Variants in PARVA observed in about 807,000 individuals in gnomAD.
PARVA encodes alpha-parvin.
PARVA carries 25 observed loss-of-function variants against 52.6 expected under a neutral mutation model. That is an observed-to-expected ratio of 0.48 (90% CI 0.35 to 0.66). The LOEUF is 0.66. Among genes scored for constraint, PARVA ranks in the 30% least tolerant of loss-of-function variants. The pLI, the probability that PARVA is intolerant of heterozygous loss-of-function variation, is 0.01. For synonymous variants in PARVA, 185 were observed against 179.1 expected (o/e 1.03, Z -0.26); for missense variants, 373 against 450.9 (o/e 0.83, Z 1.56).
intron 1 of PARVA, among the ~76,000 whole-genome samples, chr11:12,386,878 T>C (rs1939579060): frequency 6.6e-6 from 1 of 152,226 alleles, no homozygotes; most frequent in South Asian, 2.1e-4. Context: ...AAGACCTCTT[T>C]CTTTCCTCTA....
At chr11:12,521,456 C>T (rs866851036) in intron 12 of PARVA, among the ~76,000 whole-genome samples, 21 of 152,040 alleles carry the variant, frequency 1.4e-4, no homozygotes, top group African/African-American at 3.9e-4. Context: ...CCTATTTAGC[C>T]GAAAGTAGAA....
chr11:12,377,562 C>T, upstream of PARVA: 3 of 1,488,026 alleles, frequency 2.0e-6, no homozygotes, highest in African/African-American at 2.9e-5. Context: ...TTTGGAAAGC[C>T]GCAGCCTCAG....
At chr11:12,488,312 A>G (rs1388925113) in intron 4 of PARVA, among the ~76,000 whole-genome samples, 6 of 152,200 alleles carry the variant, frequency 3.9e-5, no homozygotes, top group African/African-American at 1.2e-4. Context: ...TCTTATTGGT[A>G]CCTCATGCTT....
intron 5 of PARVA, among the ~76,000 whole-genome samples, chr11:12,498,881 T>A (rs1250937393): frequency 9.9e-5 from 15 of 152,230 alleles, no homozygotes. Context: ...CCAAGTCATA[T>A]ACATTTTTGT....
chr11:12,499,659 G>C (rs1941342294), intron 5 of PARVA, among the ~76,000 whole-genome samples: 1 of 152,070 alleles, frequency 6.6e-6, no homozygotes, highest in African/African-American at 2.4e-5. Flanking sequence ...AGGGCATAGA[G>C]AGGTTAAGAA....
intron 1 of PARVA, among the ~76,000 whole-genome samples, chr11:12,417,950 G>C (rs1261626134): frequency 6.6e-6 from 1 of 152,222 alleles, no homozygotes; most frequent in Non-Finnish European, 1.5e-5. Context: ...AGAGACCCCA[G>C]CAGTGCCAGA....
At chr11:12,401,579 G>T (rs993314697) in intron 1 of PARVA, among the ~76,000 whole-genome samples, 1 of 152,154 alleles carries the variant, frequency 6.6e-6, no homozygotes, top group Non-Finnish European at 1.5e-5. Context: ...TGAATCTTAC[G>T]AAGTTGAAGA....
upstream of PARVA, among the ~76,000 whole-genome samples, chr11:12,376,563 C>T (rs1939391583): frequency 6.6e-6 from 1 of 152,228 alleles, no homozygotes; most frequent in Admixed American, 6.5e-5. Flanking sequence ...GCCAGCTGAT[C>T]GTCTGCTCTT....
Position 12,387,545 on chromosome 11 carries a change from A to G in PARVA, c.136+9762A>G, listed in dbSNP as rs1227629815. Reference sequence around the variant, plus strand: ...GTCCCCAGATTCTATCCAGGTCTCTATTTTTGAGCGTGTGTGTGTGTGTGT... The same window carrying G: ...GTCCCCAGATTCTATCCAGGTCTCTGTTTTTGAGCGTGTGTGTGTGTGTGT... On this transcript the variant is annotated intron_variant, in intron 1 of 12. Transcript: ENST00000334956. Among the ~76,000 whole-genome samples the G allele has an allele frequency of 5.0e-5, 5 of 101,006 alleles. 1 individual carries two copies. Among genetic ancestry groups the G allele is most frequent in the South Asian group, 8.3e-4 (2 of 2,408 alleles). The allele number at this position is 101,006 out of a possible 152,430, so 66.3% of individuals were successfully genotyped here.
At chr11:12,473,324 CAT>C (rs1459444680) in intron 1 of PARVA, among the ~76,000 whole-genome samples, 2 of 152,158 alleles carry the variant, frequency 1.3e-5, no homozygotes, top group Non-Finnish European at 2.9e-5. Context: ...TTACAGCGTA[CAT>C]ATAGCCTCAA....
chr11:12,426,093 G>A (rs77225331), intron 1 of PARVA, among the ~76,000 whole-genome samples: 1,781 of 152,276 alleles, frequency 0.012, 38 homozygotes, highest in African/African-American at 0.04. Flanking sequence ...CACAGTACCG[G>A]GGGAGACGTA....
rs780389769 is a variant in PARVA, at chr11:12,528,588, C to T, written c.*663C>T. 3 of 152,704 alleles carry T rather than the reference C, an allele frequency of 2.0e-5. No homozygotes were observed. Among genetic ancestry groups the T allele is most frequent in the Non-Finnish European group, 4.4e-5 (3 of 68,262 alleles). 9.5% of individuals were successfully genotyped at this position (152,704 alleles called of 1,614,324 possible). A position where few individuals can be genotyped will look rare whatever the true frequency, so the allele number is the denominator to read the frequency against. ...CAAGCCAATTACATTATGTTCTTTG[C>T]ATGTTCTAAAGTTGTGTATGTGTGT... On this transcript the variant is annotated 3_prime_UTR_variant, in exon 13 of 13. Coordinates refer to ENST00000334956, the MANE Select transcript of PARVA (RefSeq NM_018222.5).
intron 1 of PARVA, among the ~76,000 whole-genome samples, chr11:12,440,319 G>C (rs975498875): frequency 3.0e-4 from 45 of 152,254 alleles, no homozygotes; most frequent in South Asian, 8.3e-4. Context: ...GTAGGAAGCC[G>C]GTCAAGATCA....
chr11:12,420,617 G>A (rs1940134827), intron 1 of PARVA, among the ~76,000 whole-genome samples: 1 of 152,188 alleles, frequency 6.6e-6, no homozygotes, highest in South Asian at 2.1e-4. Flanking sequence ...TTTAGGCTCA[G>A]ATCCAGAGCC....
intron 1 of PARVA, among the ~76,000 whole-genome samples, chr11:12,433,342 C>T (rs1315798027): frequency 1.3e-5 from 2 of 152,190 alleles, no homozygotes; most frequent in Non-Finnish European, 2.9e-5. Context: ...AAAAGCAAAG[C>T]ATGGGCTTCA....
At chr11:12,389,955 CTT>C (rs1939633521) in intron 1 of PARVA, among the ~76,000 whole-genome samples, 1 of 152,194 alleles carries the variant, frequency 6.6e-6, no homozygotes, top group South Asian at 2.1e-4. Context: ...TCCCTTACCT[CTT>C]TTAAAATCCA....
rs1941503721 is a variant in PARVA at position 12,511,620 on chromosome 11, A to G, written c.736+87A>G. 2.1e-6 allele frequency: 3 copies of G among 1,403,102 alleles called. No individual in the cohort carries two copies. The East Asian group carries it at 7.0e-5, about 33-fold the overall frequency. 86.9% of individuals were successfully genotyped at this position (1,403,102 alleles called of 1,614,324 possible). A position where few individuals can be genotyped will look rare whatever the true frequency, so the allele number is the denominator to read the frequency against. ...CAGCAGCTGGGAGGAACAGGCTCTC[A>G]GCTTGTCACCTGGATATACGTCTTC... On this transcript the variant is annotated intron_variant, in intron 8 of 12. Transcript: ENST00000334956.
At chr11:12,509,207 C>T (rs1941473978) in intron 7 of PARVA, among the ~76,000 whole-genome samples, 1 of 151,848 alleles carries the variant, frequency 6.6e-6, no homozygotes, top group South Asian at 2.1e-4. Flanking sequence ...TTTGTGATCC[C>T]GAGAACTGCA....
chr11:12,425,502 G>A (rs1400986250), intron 1 of PARVA, among the ~76,000 whole-genome samples: 1 of 152,234 alleles, frequency 6.6e-6, no homozygotes, highest in South Asian at 2.1e-4. Flanking sequence ...AAGTTCTCTT[G>A]CAGAGAATGC....
Sources: allele counts gnomAD v4.1 joint callset (sites outside exome capture counted in the v4.1 genomes callset), GRCh38; gene constraint gnomAD v4.1.1; transcripts MANE v1.5; gene names NCBI Gene and HGNC (gene_info 2026-07-23, HGNC 2026-07-21).